KCNH1: variants seen among roughly 807,000 people sequenced by gnomAD.
KCNH1 encodes potassium voltage-gated channel subfamily H member 1.
Under a neutral mutation model 69.2 loss-of-function variants are expected in KCNH1, and 27 were observed. That is an observed-to-expected ratio of 0.39 (90% CI 0.29 to 0.54). The LOEUF (loss-of-function observed/expected upper bound fraction) is 0.54, where lower values mean the gene tolerates loss of function less well. Ranked by LOEUF, KCNH1 falls within the 20% of genes least tolerant of loss-of-function variation. The probability of loss-of-function intolerance (pLI) is 0.68; values close to 1 mark genes in which losing one functional copy is unlikely to be tolerated. For missense variants in KCNH1, 798 were observed against 1,261.6 expected (o/e 0.63, Z 5.57); for synonymous variants, 456 against 487.7 (o/e 0.93, Z 0.86).
chr1:211,053,022 T>A (rs1336133886), intron 5 of KCNH1, among the ~76,000 whole-genome samples: 1 of 152,374 alleles, frequency 6.6e-6, no homozygotes, highest in East Asian at 1.9e-4. Flanking sequence ...AAAAAATAGA[T>A]AATTTCCCTT....
intron 7 of KCNH1, among the ~76,000 whole-genome samples, chr1:210,913,671 G>T (rs117573521): frequency 2.6e-5 from 4 of 152,142 alleles, no homozygotes; most frequent in Non-Finnish European, 4.4e-5. Flanking sequence ...TGCTGTGGAG[G>T]ACTAATGTTT....
intron 7 of KCNH1, among the ~76,000 whole-genome samples, chr1:210,877,614 T>C (rs74156848): frequency 0.09 from 13,717 of 152,250 alleles, 1,372 homozygotes; most frequent in African/African-American, 0.24. Flanking sequence ...CCATACAATT[T>C]ATTCAATCCA....
chr1:210,715,563 T>C (rs753211886), intron 10 of KCNH1, among the ~76,000 whole-genome samples: 12 of 151,832 alleles, frequency 7.9e-5, no homozygotes, highest in Non-Finnish European at 1.6e-4. Flanking sequence ...TGGTTCAACT[T>C]TGCATTACTA....
chr1:210,752,907 G>A (rs531280223), intron 10 of KCNH1, among the ~76,000 whole-genome samples: 8 of 152,228 alleles, frequency 5.3e-5, no homozygotes, highest in East Asian at 1.9e-4. Flanking sequence ...GACTATGTTC[G>A]TATAAGAGAA....
intron 7 of KCNH1, among the ~76,000 whole-genome samples, chr1:210,891,080 C>T (rs1558513513): frequency 6.6e-6 from 1 of 152,146 alleles, no homozygotes; most frequent in Non-Finnish European, 1.5e-5. Flanking sequence ...GCTATAAAGT[C>T]ACACGCACAC....
intron 6 of KCNH1, among the ~76,000 whole-genome samples, chr1:210,988,016 G>C (rs1688873686): frequency 6.6e-6 from 1 of 152,232 alleles, no homozygotes; most frequent in Non-Finnish European, 1.5e-5. Context: ...CTGACACCTT[G>C]CAGTTTGATC....
rs574368056 is a variant in KCNH1, at chr1:210,903,385, C to T, written c.1462+16255G>A. Reference sequence around the variant, plus strand: ...ATAAAATATACTTGTCAAAGACAGGCATTAAATTAGCAACCTCTCTGGCAG... The same window carrying T: ...ATAAAATATACTTGTCAAAGACAGGTATTAAATTAGCAACCTCTCTGGCAG... On this transcript the variant is annotated intron_variant, in intron 7 of 10. Coordinates refer to ENST00000271751, the MANE Select transcript of KCNH1 (RefSeq NM_172362.3). 2.0e-4 allele frequency among the ~76,000 whole-genome samples: 31 copies of T among 152,268 alleles called. 1 individual carries two copies. The South Asian group carries it at 6.0e-3, about 30-fold the overall frequency.
chr1:210,935,133 C>T (rs1252478322), intron 6 of KCNH1, among the ~76,000 whole-genome samples: 3 of 97,532 alleles, frequency 3.1e-5, no homozygotes, highest in African/African-American at 9.8e-5. Flanking sequence ...CACACACACA[C>T]ACACACACAC....
intron 9 of KCNH1, among the ~76,000 whole-genome samples, chr1:210,781,135 A>G (rs906698413): frequency 1.3e-5 from 2 of 152,182 alleles, no homozygotes; most frequent in Admixed American, 6.5e-5. Flanking sequence ...TCACCTGTAG[A>G]AATGAGAGTT....
At position 210,680,341 on chromosome 1, in the gene KCNH1, C is replaced by T. The variant is rs1558418542; in HGVS notation, c.*2940G>A. 1 of 143,488 alleles carries T rather than the reference C, an allele frequency of 7.0e-6. No homozygotes were observed. Among genetic ancestry groups the T allele is most frequent in the Non-Finnish European group, 1.6e-5 (1 of 63,394 alleles). 8.9% of individuals were successfully genotyped at this position (143,488 alleles called of 1,614,324 possible). On this transcript the variant is annotated 3_prime_UTR_variant, in exon 11 of 11. Transcript: ENST00000271751. Reference sequence around the variant, plus strand: ...TTTAGTAGAAATCAAATAACCAGCACTTACTAGATAATGGTGCCACATATC... The same window carrying T: ...TTTAGTAGAAATCAAATAACCAGCATTTACTAGATAATGGTGCCACATATC...
intron 9 of KCNH1, among the ~76,000 whole-genome samples, chr1:210,784,680 A>C (rs1353132142): frequency 6.6e-6 from 1 of 151,918 alleles, no homozygotes; most frequent in African/African-American, 2.4e-5. Flanking sequence ...GGGAGATCTC[A>C]GAGATATTCA....
chr1:210,950,850 C>T (rs1688051478), intron 6 of KCNH1, among the ~76,000 whole-genome samples: 1 of 152,158 alleles, frequency 6.6e-6, no homozygotes, highest in South Asian at 2.1e-4. Flanking sequence ...CTAAAAAGTG[C>T]TACTTATTGA....
intron 5 of KCNH1, among the ~76,000 whole-genome samples, chr1:211,052,875 G>A (rs1168698038): frequency 6.6e-6 from 1 of 152,224 alleles, no homozygotes; most frequent in East Asian, 1.9e-4. Context: ...CTGTCCAGCT[G>A]CCTGTAGAGG....
Position 210,742,122 on chromosome 1 carries a change from A to C in KCNH1, c.2112+33226T>G, listed in dbSNP as rs542758847. Reference sequence around the variant, plus strand: ...AGGCCTTCTCAGAACTAGCAAGTTGAGTCACAGAAAGGCAGAGAACACAAA... The same window carrying C: ...AGGCCTTCTCAGAACTAGCAAGTTGCGTCACAGAAAGGCAGAGAACACAAA... On this transcript the variant is annotated intron_variant, in intron 10 of 10. Coordinates refer to ENST00000271751, the MANE Select transcript of KCNH1 (RefSeq NM_172362.3). 2.4e-4 allele frequency among the ~76,000 whole-genome samples: 36 copies of C among 152,332 alleles called. No homozygotes were observed. The South Asian group carries it at 6.2e-3, about 26-fold the overall frequency.
intron 5 of KCNH1, among the ~76,000 whole-genome samples, chr1:211,056,299 G>A (rs145699984): frequency 6.6e-6 from 1 of 152,110 alleles, no homozygotes; most frequent in Non-Finnish European, 1.5e-5. Context: ...GGTGGTGGTG[G>A]CTACAAGCCT....
chr1:210,894,386 T>C (rs1686816606), intron 7 of KCNH1, among the ~76,000 whole-genome samples: 1 of 152,212 alleles, frequency 6.6e-6, no homozygotes, highest in Admixed American at 6.5e-5. Context: ...TGGTGGGAAC[T>C]GAACTTCTTC....
chr1:210,851,763 G>A (rs1344202584), intron 7 of KCNH1, among the ~76,000 whole-genome samples: 2 of 152,194 alleles, frequency 1.3e-5, no homozygotes, highest in Non-Finnish European at 2.9e-5. Flanking sequence ...ATAATAACAC[G>A]ATGGTAAGTA....
At chr1:211,102,531 T>A (rs910837070) in intron 3 of KCNH1, among the ~76,000 whole-genome samples, 1 of 152,148 alleles carries the variant, frequency 6.6e-6, no homozygotes, top group Non-Finnish European at 1.5e-5. Flanking sequence ...CTTGGGCTTG[T>A]GGATGGCCAG....
chr1:210,736,026 T>C (rs923123129), intron 10 of KCNH1, among the ~76,000 whole-genome samples: 1 of 152,202 alleles, frequency 6.6e-6, no homozygotes, highest in Non-Finnish European at 1.5e-5. Context: ...TGCATTGTTT[T>C]ATTTTTAGTT....
Sources: allele counts gnomAD v4.1 joint callset (sites outside exome capture counted in the v4.1 genomes callset), GRCh38; gene constraint gnomAD v4.1.1; transcripts MANE v1.5; gene names NCBI Gene and HGNC (gene_info 2026-07-23, HGNC 2026-07-21).